The following SLC66A1 variants were observed in gnomAD, a reference collection of about 807,000 sequenced individuals.
The protein encoded by SLC66A1 is solute carrier family 66 member 1.
Under a neutral mutation model 33.0 loss-of-function variants are expected in SLC66A1, and 23 were observed. The ratio of observed to expected loss-of-function variants is 0.70; its 90% CI spans 0.50 to 0.99. SLC66A1 has a LOEUF of 0.99. Ranked by LOEUF, SLC66A1 falls within the 50% of genes least tolerant of loss-of-function variation. The pLI is 0.00. For synonymous variants in SLC66A1, 164 were observed against 175.5 expected, an observed-to-expected ratio of 0.93 and a Z score of 0.52; for missense variants, 335 against 383.6, an observed-to-expected ratio of 0.87 and a Z score of 1.06.
intron 4 of SLC66A1, 100 bp downstream of exon 4, chr1:19,325,682 G>A: frequency 9.6e-7 from 1 of 1,046,930 alleles, no homozygotes. Context: ...GTTTCCCATG[G>A]CTGGGTGATA....
At chr1:19,322,019 T>C (rs571260419) in intron 2 of SLC66A1, among the ~76,000 whole-genome samples, 8 of 152,194 alleles carry the variant, frequency 5.3e-5, no homozygotes, top group South Asian at 2.1e-4. Context: ...GACACTGTCC[T>C]TGCCTTTGGA....
At chr1:19,315,691 T>C (rs918586532) in intron 1 of SLC66A1, among the ~76,000 whole-genome samples, 1 of 152,222 alleles carries the variant, frequency 6.6e-6, no homozygotes, top group African/African-American at 2.4e-5. Flanking sequence ...TGTGCAGTCA[T>C]GCCAGACCAC....
At position 19,320,909 on chromosome 1, in the gene SLC66A1, C is replaced by T. The variant is rs1254848012; in HGVS notation, c.164+3068C>T. Among the ~76,000 whole-genome samples, 2 of 149,622 alleles carry T rather than the reference C, an allele frequency of 1.3e-5. 1 individual carries two copies. Among genetic ancestry groups the T allele is most frequent in the African/African-American group, 5.1e-5 (2 of 39,220 alleles). On this transcript the variant is annotated intron_variant, in intron 2 of 7. Transcript: ENST00000375153. ...TGTATTTTTAGTAGAGACAGGGTTA[C>T]ACCATGTTGGCCAGGCTGGTCTCAA...
intron 1 of SLC66A1, 131 bp from the exon 2 acceptor site, chr1:19,317,469 T>G: frequency 2.5e-6 from 3 of 1,200,072 alleles, no homozygotes; most frequent in East Asian, 2.8e-5. Flanking sequence ...TGGGTGAAGA[T>G]TATGTCTTTG....
chr1:19,315,922 A>G (rs1204232253), intron 1 of SLC66A1, among the ~76,000 whole-genome samples: 2 of 152,138 alleles, frequency 1.3e-5, no homozygotes, highest in African/African-American at 2.4e-5. Flanking sequence ...CTCCTTGTGG[A>G]TATCAGTGGT....
Position 19,320,777 on chromosome 1 carries a change from A to G in SLC66A1, c.164+2936A>G, listed in dbSNP as rs868783800. 4.0e-5 allele frequency among the ~76,000 whole-genome samples: 6 copies of G among 148,760 alleles called. 1 individual carries two copies. The highest frequency in any genetic ancestry group is 7.8e-5 in the African/African-American group (3 of 38,628). Reference sequence around the variant, plus strand: ...GCCCAGGCTGGAGTGCAGCAGTGCAATCTTGGCTCACTGTAACCTCTGCCT... The same window carrying G: ...GCCCAGGCTGGAGTGCAGCAGTGCAGTCTTGGCTCACTGTAACCTCTGCCT... On this transcript the variant is annotated intron_variant, in intron 2 of 7. Transcript: ENST00000375153.
chr1:19,326,340 G>A lies in SLC66A1; in HGVS notation c.478G>A (p.Glu160Lys), dbSNP rs112109584. The A allele has an allele frequency of 2.8e-3, 4,557 of 1,606,812 alleles. 124 individuals carry two copies. The African/African-American group carries it at 0.054, about 19-fold the overall frequency. ...TGCTGGGCCCGTGGCTGCCCCTAGG[G>A]AAGCCTTCCGGGGGCGGGCGCTCCT... ...SAAGPVAAPR[E>K]AFRGRALLSV... is the part of the protein sequence containing the mutation. The change falls in exon 5 of 8, where the codon GAA (glutamate) becomes AAA (lysine). Residue 160 changes from glutamate (E) to lysine (K), a missense_variant. Coordinates refer to ENST00000375153, the MANE Select transcript of SLC66A1 (RefSeq NM_001040125.2).
chr1:19,328,823 C>T lies in SLC66A1; in HGVS notation c.*180C>T, dbSNP rs1168381592. ...CAGGTAGACCCCGAAGCCTCAAGGCCGGGGCTGGAGCGGAGACCCCAGGGC... is the reference window on the plus strand; with the variant it reads ...CAGGTAGACCCCGAAGCCTCAAGGCTGGGGCTGGAGCGGAGACCCCAGGGC... On this transcript the variant is annotated 3_prime_UTR_variant, in exon 8 of 8. Coordinates refer to ENST00000375153, the MANE Select transcript of SLC66A1 (RefSeq NM_001040125.2). This position sits in a 1 kb window ranked among gnomAD's most constrained non-coding sequence, Gnocchi z 4.7. 1.9e-5 allele frequency: 13 copies of T among 684,404 alleles called. No individual in the cohort carries two copies. Among genetic ancestry groups the T allele is most frequent in the African/African-American group, 3.6e-5 (2 of 55,600 alleles). 42.4% of individuals were successfully genotyped at this position (684,404 alleles called of 1,614,324 possible).
rs1022913671 is a variant in SLC66A1 at position 19,328,520 on chromosome 1, G to A, written c.805-52G>A. On this transcript the variant is annotated intron_variant, in intron 7 of 7. Transcript: ENST00000375153. This position sits in a 1 kb window ranked among gnomAD's most constrained non-coding sequence, Gnocchi z 4.7. ...TCCCAGGAGTCGAAGGCCCCCAGGG[G>A]CAGGTCCAACCCAGTCTCTGCTCAG... The A allele has an allele frequency of 3.3e-5, 52 of 1,553,950 alleles. No individual in the cohort carries two copies. The highest frequency in any genetic ancestry group is 4.1e-5 in the Non-Finnish European group (47 of 1,138,650).
chr1:19,333,001 A>G (rs969690563), downstream of SLC66A1, among the ~76,000 whole-genome samples: 1 of 152,200 alleles, frequency 6.6e-6, no homozygotes, highest in Non-Finnish European at 1.5e-5. The surrounding 1 kb of genome is among the most constrained non-coding windows in gnomAD (Gnocchi z 4.2). Context: ...GGGAAGTGAC[A>G]TGCGCAGTGC....
intron 2 of SLC66A1, 125 bp from the exon 3 acceptor site, chr1:19,324,508 A>AGGATG: frequency 8.1e-7 from 1 of 1,237,328 alleles, no homozygotes. Context: ...ATGGGCCGCC[A>AGGATG]GGCCACTTCC....
chr1:19,329,721 C>T (rs1179385176), downstream of SLC66A1, among the ~76,000 whole-genome samples: 8 of 152,190 alleles, frequency 5.3e-5, no homozygotes, highest in African/African-American at 7.2e-5. Flanking sequence ...CCAGATCTGG[C>T]GCATAGTAAG....
At chr1:19,320,764 G>A (rs911718740) in intron 2 of SLC66A1, among the ~76,000 whole-genome samples, 2 of 149,286 alleles carry the variant, frequency 1.3e-5, no homozygotes, top group African/African-American at 5.1e-5. Flanking sequence ...CCAGGCTGGA[G>A]TGCAGCAGTG....
chr1:19,333,300 T>A (rs1259792370), downstream of SLC66A1, among the ~76,000 whole-genome samples: 1 of 152,168 alleles, frequency 6.6e-6, no homozygotes, highest in Non-Finnish European at 1.5e-5. The surrounding 1 kb of genome is among the most constrained non-coding windows in gnomAD (Gnocchi z 4.2). Context: ...CTCCACCTCC[T>A]GGGCTCAAGT....
chr1:19,328,481 G>T lies in SLC66A1; in HGVS notation c.805-91G>T. 1 of 1,195,090 alleles carries T rather than the reference G, an allele frequency of 8.4e-7. No individual in the cohort carries two copies. Among genetic ancestry groups the T allele is most frequent in the Non-Finnish European group, 1.2e-6 (1 of 829,164 alleles). The allele number at this position is 1,195,090 out of a possible 1,614,324, so 74.0% of individuals were successfully genotyped here. A position where few individuals can be genotyped will look rare whatever the true frequency, so the allele number is the denominator to read the frequency against. On this transcript the variant is annotated intron_variant, in intron 7 of 7. Transcript: ENST00000375153. This position sits in a 1 kb window ranked among gnomAD's most constrained non-coding sequence, Gnocchi z 4.7. ...TGCAGCGTGGGGGTGGGAGGGAGGG[G>T]AGAGGGAGGCAGCTCCCAGGAGTCG...
chr1:19,312,496 C>G lies in SLC66A1; in HGVS notation c.-472C>G, dbSNP rs990733960. Reference sequence around the variant, plus strand: ...CTGCGCCCTCCTTGTGGCGCGATATCGTGGGACGAGGCTCCGGGCCGGGAC... The same window carrying G: ...CTGCGCCCTCCTTGTGGCGCGATATGGTGGGACGAGGCTCCGGGCCGGGAC... On this transcript the variant is annotated 5_prime_UTR_variant, in exon 1 of 8. It adds an upstream start codon to the 5' untranslated region. Transcript: ENST00000375153. 6.3e-6 allele frequency: 1 copy of G among 159,560 alleles called. No individual in the cohort carries two copies. The highest frequency in any genetic ancestry group is 6.4e-5 in the Admixed American group (1 of 15,520). 9.9% of individuals were successfully genotyped at this position (159,560 alleles called of 1,614,324 possible).
chr1:19,317,967 T>C, intron 2 of SLC66A1, 126 bp downstream of exon 2: 1 of 1,401,350 alleles, frequency 7.1e-7, no homozygotes, highest in South Asian at 1.3e-5. Flanking sequence ...CTGGGGTGTG[T>C]TCCCTCGACA....
rs147570355 is a variant in SLC66A1 at position 19,316,294 on chromosome 1, G to A, written c.-78-1306G>A. Among the ~76,000 whole-genome samples the A allele has an allele frequency of 2.9e-3, 440 of 152,072 alleles. 1 individual carries two copies. Among genetic ancestry groups the A allele is most frequent in the African/African-American group, 0.01 (427 of 41,444 alleles). On this transcript the variant is annotated intron_variant, in intron 1 of 7. Coordinates refer to ENST00000375153, the MANE Select transcript of SLC66A1 (RefSeq NM_001040125.2). ...GAGTCCTTGTCATTCATGCAACCCC[G>A]GGGATCCCTTGCTCCTCTTCTCCAC...
rs534507957 is a variant in SLC66A1 at position 19,325,640 on chromosome 1, G to C, written c.382+58G>C. 123 of 1,166,760 alleles carry C rather than the reference G, an allele frequency of 1.1e-4. 2 individuals carry two copies. The highest frequency in any genetic ancestry group is 6.4e-4 in the South Asian group (50 of 78,190). The allele number at this position is 1,166,760 out of a possible 1,614,324, so 72.3% of individuals were successfully genotyped here. A position where few individuals can be genotyped will look rare whatever the true frequency, so the allele number is the denominator to read the frequency against. The stretch of plus-strand genomic sequence containing the variant: ...CTACCAGCAGCAGGGGGCAGTTGTG[G>C]GGGGGGGCGCCTGGAGTGTGGGAGG... On this transcript the variant is annotated intron_variant, in intron 4 of 7. Transcript: ENST00000375153.
Sources: allele counts gnomAD v4.1 joint callset (sites outside exome capture counted in the v4.1 genomes callset), GRCh38; gene constraint gnomAD v4.1.1; non-coding constraint Gnocchi (gnomAD v3.1); transcripts MANE v1.5; gene names NCBI Gene and HGNC (gene_info 2026-07-23, HGNC 2026-07-21).